The following LRRK2 variants were observed in gnomAD, a reference collection of about 807,000 sequenced individuals.
LRRK2 encodes leucine-rich repeat serine/threonine-protein kinase 2.
A neutral mutation model predicts 302.6 loss-of-function variants in LRRK2; 203 were observed. The ratio of observed to expected loss-of-function variants is 0.67; its 90% confidence interval spans 0.60 to 0.75. The LOEUF is 0.75. LRRK2 is among the 30% of genes least tolerant of loss of function. The pLI is 0.00. For missense variants in LRRK2, 2,830 were observed against 2,951.0 expected (o/e 0.96, Z 0.95); for synonymous variants, 1,066 against 1,031.9 (o/e 1.03, Z -0.63).
chr12:40,295,353 G>C, intron 22 of LRRK2, 74 bp from the exon 23 acceptor site: 1 of 1,365,606 alleles, frequency 7.3e-7, no homozygotes, highest in Non-Finnish European at 1.0e-6. Flanking sequence ...GCTAGGAGGT[G>C]CTCACTAAAC....
intron 4 of LRRK2, among the ~76,000 whole-genome samples, chr12:40,237,016 A>T (rs1291534822): frequency 6.6e-6 from 1 of 152,062 alleles, no homozygotes; most frequent in Non-Finnish European, 1.5e-5. Flanking sequence ...GACAGAATAG[A>T]TGCTGTTTGT....
chr12:40,275,545 A>G (rs1375211998), intron 16 of LRRK2, among the ~76,000 whole-genome samples: 1 of 152,180 alleles, frequency 6.6e-6, no homozygotes, highest in Non-Finnish European at 1.5e-5. Context: ...GTAGCAAAAC[A>G]AATAGTTTTT....
chr12:40,291,045 A>G (rs1183856133), intron 20 of LRRK2, among the ~76,000 whole-genome samples: 1 of 152,036 alleles, frequency 6.6e-6, no homozygotes, highest in Non-Finnish European at 1.5e-5. Context: ...TCCAACAATG[A>G]TAGACTGGAT....
rs1311037983 is a variant in LRRK2, at chr12:40,272,232, C to G, written c.1657-2351C>G. On this transcript the variant is annotated intron_variant, in intron 14 of 50. Coordinates refer to ENST00000298910, the MANE Select transcript of LRRK2 (RefSeq NM_198578.4). Reference sequence around the variant, plus strand: ...TGCCTGCCAAACAGGAATGCTGGTACTGTTAATCAAACAGAAAGTTCAGAA... The same window carrying G: ...TGCCTGCCAAACAGGAATGCTGGTAGTGTTAATCAAACAGAAAGTTCAGAA... Among the ~76,000 whole-genome samples the G allele has an allele frequency of 3.9e-5, 6 of 152,270 alleles. No individual in the cohort carries two copies. The East Asian group carries it at 1.2e-3, about 29-fold the overall frequency.
intron 47 of LRRK2, 60 bp downstream of exon 47, chr12:40,359,504 A>G (rs1592341951): frequency 1.6e-6 from 2 of 1,255,344 alleles, no homozygotes; most frequent in South Asian, 1.2e-5. Context: ...TTTCCTTATA[A>G]TCATTAATAA....
At chr12:40,333,986 C>T (rs1424842524) in intron 39 of LRRK2, among the ~76,000 whole-genome samples, 2 of 151,886 alleles carry the variant, frequency 1.3e-5, no homozygotes, top group Non-Finnish European at 2.9e-5. Flanking sequence ...GTGCTGAGGC[C>T]GTGGAAGTAG....
rs149313958 is a variant in LRRK2, at chr12:40,356,935, T to C, written c.6843+748T>C. Among the ~76,000 whole-genome samples, 3 of 152,350 alleles carry C rather than the reference T, an allele frequency of 2.0e-5. No homozygotes were observed. The East Asian group carries it at 5.8e-4, about 29-fold the overall frequency. On this transcript the variant is annotated intron_variant, in intron 46 of 50. Coordinates refer to ENST00000298910, the MANE Select transcript of LRRK2 (RefSeq NM_198578.4). ...ATCCATCACCATGAGCATTTATTTC[T>C]CTGTGCTGAGAACATTTCAAGTCTC...
At chr12:40,251,199 A>T (rs771494536) in intron 8 of LRRK2, 33 bp from the exon 9 acceptor site, 5 of 1,354,032 alleles carry the variant, frequency 3.7e-6, no homozygotes, top group Admixed American at 4.0e-5. Flanking sequence ...TAATATATAT[A>T]ATGTTTTTAT....
chr12:40,243,357 G>A (rs893961837), intron 6 of LRRK2, among the ~76,000 whole-genome samples, 193 bp from the exon 7 acceptor site: 29 of 151,992 alleles, frequency 1.9e-4, no homozygotes, highest in Non-Finnish European at 4.1e-4. Flanking sequence ...CCAAAGATTA[G>A]TCCTACACCC....
rs1011019858 is a variant in LRRK2, at chr12:40,258,715, G to C, written c.1419-765G>C. On this transcript the variant is annotated intron_variant, in intron 12 of 50. Transcript: ENST00000298910. ...AAGACGCAATGGTAAGAGTAGAGTG[G>C]ACTCAGCTGGGGTTACCCAAGGAGG... Among the ~76,000 whole-genome samples, 7 of 152,176 alleles carry C rather than the reference G, an allele frequency of 4.6e-5. No individual in the cohort carries two copies. In the East Asian group the frequency reaches 1.2e-3, roughly 25 times the overall value.
Position 40,323,285 on chromosome 12 carries a change from C to A in LRRK2, c.5635C>A (p.Gln1879Lys). The A allele has an allele frequency of 6.2e-7, 1 of 1,612,616 alleles. No individual in the cohort carries two copies. The highest frequency in any genetic ancestry group is 8.5e-7 in the Non-Finnish European group (1 of 1,179,160). Reference protein sequence around the residue: ...MLNNDELEFEQAPEFLLGDGS... With the variant: ...MLNNDELEFEKAPEFLLGDGS... ...GAATAATGATGAGTTGGAATTTGAA[C>A]AAGCTCCAGAGTTTCTCCTAGGTAA... Residue 1879 changes from glutamine (Q) to lysine (K), a missense_variant, in exon 38 of 51, where the codon CAA (glutamine) becomes AAA (lysine). Around this residue, in one of 3 missense-constraint regions of LRRK2, gnomAD observed 253 missense variants for 346.7 expected, o/e 0.73. Coordinates refer to ENST00000298910, the MANE Select transcript of LRRK2 (RefSeq NM_198578.4).
At chr12:40,303,102 TAA>T (rs1015087269) in intron 26 of LRRK2, among the ~76,000 whole-genome samples, 4 of 152,156 alleles carry the variant, frequency 2.6e-5, no homozygotes, top group African/African-American at 9.6e-5. Flanking sequence ...AAAAACAACT[TAA>T]GATTGTTTAA....
chr12:40,273,081 T>A (rs1001033864), intron 14 of LRRK2, among the ~76,000 whole-genome samples: 1 of 152,148 alleles, frequency 6.6e-6, no homozygotes, highest in African/African-American at 2.4e-5. Flanking sequence ...CCCTACATTA[T>A]TAGAATTGTT....
At chr12:40,266,507 T>C (rs1943020869) in intron 14 of LRRK2, among the ~76,000 whole-genome samples, 1 of 152,098 alleles carries the variant, frequency 6.6e-6, no homozygotes, top group Non-Finnish European at 1.5e-5. Context: ...AAACAACAGA[T>C]GCTGGAGAGG....
At chr12:40,356,843 A>T (rs1217983528) in intron 46 of LRRK2, among the ~76,000 whole-genome samples, 1 of 152,214 alleles carries the variant, frequency 6.6e-6, no homozygotes, top group Non-Finnish European at 1.5e-5. Flanking sequence ...GTACATATTT[A>T]TGGGGTACAT....
intron 45 of LRRK2, 50 bp from the exon 46 acceptor site, chr12:40,356,065 A>C (rs1410284244): frequency 4.7e-6 from 6 of 1,281,856 alleles, no homozygotes; most frequent in Non-Finnish European, 6.7e-6. Flanking sequence ...AGGCCATTTT[A>C]GTCAACATAC....
At chr12:40,232,560 T>C in intron 3 of LRRK2, 177 bp downstream of exon 3, 1 of 567,236 alleles carries the variant, frequency 1.8e-6, no homozygotes, top group Non-Finnish European at 3.1e-6. Flanking sequence ...AACTCAGAAG[T>C]TTGATTTAGA....
chr12:40,347,200 G>A (rs898306133), intron 42 of LRRK2, among the ~76,000 whole-genome samples: 6 of 152,126 alleles, frequency 3.9e-5, no homozygotes, highest in African/African-American at 9.7e-5. Flanking sequence ...CACATTTGGT[G>A]ATTTTTAATT....
chr12:40,242,269 G>A (rs796672331), intron 6 of LRRK2, among the ~76,000 whole-genome samples: 6 of 151,722 alleles, frequency 4.0e-5, no homozygotes, highest in African/African-American at 1.2e-4. Context: ...TATACTTTTT[G>A]TGAAAACAGT....
Sources: gnomAD v4.1 joint callset for allele counts (sites outside exome capture counted in the v4.1 genomes callset) on GRCh38, gnomAD v4.1.1 for gene constraint, gnomAD v4.1.1 regional missense constraint, MANE v1.5 for transcripts, NCBI Gene and HGNC (gene_info 2026-07-23, HGNC 2026-07-21) for gene names.